The following RAB6B variants were observed in gnomAD, a reference collection of about 807,000 sequenced individuals.
The protein encoded by RAB6B is ras-related protein Rab-6B.
A neutral mutation model predicts 31.2 loss-of-function variants in RAB6B; 7 were observed. That is an observed-to-expected ratio of 0.22 (90% CI 0.13 to 0.42). The LOEUF (loss-of-function observed/expected upper bound fraction) is 0.42. Among genes scored for constraint, RAB6B ranks in the 10% least tolerant of loss-of-function variants. The pLI is 1.00. For synonymous variants in RAB6B, 105 were observed against 104.9 expected, an observed-to-expected ratio of 1.00 and a Z score of -0.01; for missense variants, 149 against 280.6, an observed-to-expected ratio of 0.53 and a Z score of 3.35.
At position 133,828,540 on chromosome 3, in the gene RAB6B, G is replaced by T; in HGVS notation, c.*248C>A. On this transcript the variant is annotated 3_prime_UTR_variant, in exon 8 of 8. Transcript: ENST00000285208. ...TTTTTTTAAATTTTAACAGTTTTTG[G>T]CAATCTTAATAAAGTACAATATATT... 2.1e-6 allele frequency: 1 copy of T among 482,692 alleles called. No homozygotes were observed. The highest frequency in any genetic ancestry group is 3.6e-6 in the Non-Finnish European group (1 of 275,932). 29.9% of individuals were successfully genotyped at this position (482,692 alleles called of 1,614,324 possible).
At position 133,825,700 on chromosome 3, in the gene RAB6B, A is replaced by T. The variant is rs1312192965; in HGVS notation, c.*3088T>A. On this transcript the variant is annotated 3_prime_UTR_variant, in exon 8 of 8. Transcript: ENST00000285208. The stretch of plus-strand genomic sequence containing the variant: ...TTCCATCTTACACTCAACTTTCCTG[A>T]TGCCTGCAGAACAGGAGCTTTGTTG... 6.6e-6 allele frequency: 1 copy of T among 152,174 alleles called. No homozygotes were observed. Among genetic ancestry groups the T allele is most frequent in the African/African-American group, 2.4e-5 (1 of 41,428 alleles). 9.4% of individuals were successfully genotyped at this position (152,174 alleles called of 1,614,324 possible). A position where few individuals can be genotyped will look rare whatever the true frequency, so the allele number is the denominator to read the frequency against.
intron 1 of RAB6B, among the ~76,000 whole-genome samples, chr3:133,877,327 GAGACTGGGGAA>G (rs1936410742): frequency 6.6e-6 from 1 of 152,250 alleles, no homozygotes; most frequent in Admixed American, 6.5e-5. Context: ...GAAACTACTT[GAGACTGGGGAA>G]AGACTGCCCA....
Position 133,827,610 on chromosome 3 carries a change from A to G in RAB6B, c.*1178T>C. 2.3e-6 allele frequency: 1 copy of G among 440,178 alleles called. No individual in the cohort carries two copies. The highest frequency in any genetic ancestry group is 4.1e-6 in the Non-Finnish European group (1 of 244,208). The allele number at this position is 440,178 out of a possible 1,614,324, so 27.3% of individuals were successfully genotyped here. On this transcript the variant is annotated 3_prime_UTR_variant, in exon 8 of 8. Coordinates refer to ENST00000285208, the MANE Select transcript of RAB6B (RefSeq NM_016577.4). The stretch of plus-strand genomic sequence containing the variant: ...CCACAGTAGCCACAAAGATATGTCC[A>G]CAAAGACTTCAACTGCGCCATGCCA...
Position 133,828,052 on chromosome 3 carries a change from A to G in RAB6B, c.*736T>C. The G allele has an allele frequency of 1.4e-6, 1 of 697,266 alleles. No individual in the cohort carries two copies. Among genetic ancestry groups the G allele is most frequent in the Non-Finnish European group, 2.6e-6 (1 of 381,468 alleles). The allele number at this position is 697,266 out of a possible 1,614,324, so 43.2% of individuals were successfully genotyped here. A position where few individuals can be genotyped will look rare whatever the true frequency, so the allele number is the denominator to read the frequency against. The stretch of plus-strand genomic sequence containing the variant: ...GCACAGAGAACACAAGGTTGCCTGT[A>G]CCCTCAACCCCCTTCAAGGCTTTTC... On this transcript the variant is annotated 3_prime_UTR_variant, in exon 8 of 8. Transcript: ENST00000285208.
chr3:133,888,347 T>C (rs1271879720), intron 1 of RAB6B, among the ~76,000 whole-genome samples: 1 of 152,226 alleles, frequency 6.6e-6, no homozygotes, highest in Non-Finnish European at 1.5e-5. Flanking sequence ...GCCTCCGGCA[T>C]AGTGGATGTT....
At chr3:133,840,443 G>A (rs1360319630) in intron 4 of RAB6B, among the ~76,000 whole-genome samples, 4 of 152,212 alleles carry the variant, frequency 2.6e-5, no homozygotes, top group East Asian at 1.9e-4. Flanking sequence ...AGGCCCTTGC[G>A]GGCCCAGCTC....
chr3:133,834,977 C>A (rs1408179747), intron 6 of RAB6B, among the ~76,000 whole-genome samples: 1 of 152,210 alleles, frequency 6.6e-6, no homozygotes, highest in African/African-American at 2.4e-5. Context: ...ATGGTTTGGG[C>A]CTCTGGGTGA....
chr3:133,855,193 T>G (rs996833030), intron 2 of RAB6B, among the ~76,000 whole-genome samples: 2 of 152,252 alleles, frequency 1.3e-5, no homozygotes, highest in Non-Finnish European at 2.9e-5. Flanking sequence ...TGCTGAAACT[T>G]CAGGTTCCAG....
chr3:133,893,874 A>G (rs1396825465), intron 1 of RAB6B, among the ~76,000 whole-genome samples: 1 of 152,168 alleles, frequency 6.6e-6, no homozygotes, highest in East Asian at 1.9e-4. Flanking sequence ...GGTCAGCTCT[A>G]TGAAACTGGG....
At position 133,828,806 on chromosome 3, in the gene RAB6B, C is replaced by G. The variant is rs1935613272; in HGVS notation, c.609G>C (p.Glu203Asp). 3 of 1,613,084 alleles carry G rather than the reference C, an allele frequency of 1.9e-6. No homozygotes were observed. The highest frequency in any genetic ancestry group is 2.5e-6 in the Non-Finnish European group (3 of 1,179,462). Residue 203 changes from glutamate (E) to aspartate (D), a missense_variant, in exon 8 of 8, where the codon GAG (glutamate) becomes GAC (aspartate). This residue lies in a region of RAB6B where 74 missense variants were observed against 100.5 expected (regional missense o/e 0.74). Coordinates refer to ENST00000285208, the MANE Select transcript of RAB6B (RefSeq NM_016577.4). The stretch of plus-strand genomic sequence containing the variant: ...CTCTGCATTAGCAGGAGCAGCCGCC[C>G]TCGCTGGCCGGGGGCTCCTGGGGTT... The part of the protein sequence containing the change: ...LDKPQEPPAS[E>D]GGCSC
chr3:133,886,355 A>T (rs1936547181), intron 1 of RAB6B, among the ~76,000 whole-genome samples: 1 of 152,232 alleles, frequency 6.6e-6, no homozygotes, highest in Non-Finnish European at 1.5e-5. Flanking sequence ...TTGTGGGCCA[A>T]GTACTACCGA....
chr3:133,874,663 C>T (rs913259948), intron 1 of RAB6B, among the ~76,000 whole-genome samples: 2 of 152,156 alleles, frequency 1.3e-5, no homozygotes, highest in African/African-American at 2.4e-5. Flanking sequence ...CTCACTACAA[C>T]ATTTTTTACT....
In RAB6B at chr3:133,864,872, C is replaced by T. The variant is rs112353283; in HGVS notation, c.71-230G>A. Among the ~76,000 whole-genome samples, 1,488 of 152,296 alleles carry T rather than the reference C, an allele frequency of 9.8e-3. 17 individuals are homozygous for T. The highest frequency in any genetic ancestry group is 0.035 in the African/African-American group (1,447 of 41,542). Reference sequence around the variant, plus strand: ...TTCCTGCCAGGCACCAGGGTGCTGCCAAGGAGGAGGTATCCCACTGCCCCA... The same window carrying T: ...TTCCTGCCAGGCACCAGGGTGCTGCTAAGGAGGAGGTATCCCACTGCCCCA... On this transcript the variant is annotated intron_variant, in intron 1 of 7. Coordinates refer to ENST00000285208, the MANE Select transcript of RAB6B (RefSeq NM_016577.4).
chr3:133,828,131 G>A lies in RAB6B; in HGVS notation c.*657C>T. 6.4e-6 allele frequency: 4 copies of A among 620,866 alleles called. No individual in the cohort carries two copies. Among genetic ancestry groups the A allele is most frequent in the Middle Eastern group, 3.8e-4 (1 of 2,650 alleles). The allele number at this position is 620,866 out of a possible 1,614,324, so 38.5% of individuals were successfully genotyped here. A position where few individuals can be genotyped will look rare whatever the true frequency, so the allele number is the denominator to read the frequency against. ...TTCCTCTGGGGGCTGCTGCCGGGCT[G>A]CCTAGAGCCCACAGACCTTGGTCTC... On this transcript the variant is annotated 3_prime_UTR_variant, in exon 8 of 8. Coordinates refer to ENST00000285208, the MANE Select transcript of RAB6B (RefSeq NM_016577.4).
intron 2 of RAB6B, among the ~76,000 whole-genome samples, chr3:133,851,712 C>T (rs1935986961): frequency 6.6e-6 from 1 of 152,198 alleles, no homozygotes; most frequent in Non-Finnish European, 1.5e-5. Flanking sequence ...ACACTAACTA[C>T]ACTTTGCAGA....
chr3:133,869,811 A>C (rs13083987), intron 1 of RAB6B, among the ~76,000 whole-genome samples: 55,948 of 152,092 alleles, frequency 0.37, 11,595 homozygotes, highest in Non-Finnish European at 0.49. Context: ...CGCATGCAGC[A>C]ACCAGCAGAC....
At chr3:133,859,894 G>A (rs1472612688) in intron 2 of RAB6B, among the ~76,000 whole-genome samples, 5 of 152,158 alleles carry the variant, frequency 3.3e-5, no homozygotes, top group African/African-American at 4.8e-5. Flanking sequence ...TTAAATCAAC[G>A]TACAAAATGT....
At chr3:133,886,296 G>A (rs1212635413) in intron 1 of RAB6B, among the ~76,000 whole-genome samples, 1 of 152,218 alleles carries the variant, frequency 6.6e-6, no homozygotes, top group African/African-American at 2.4e-5. Context: ...AGCCTTGCTT[G>A]TGTATGTAAT....
intron 2 of RAB6B, among the ~76,000 whole-genome samples, chr3:133,860,334 C>G (rs1936142008): frequency 1.3e-5 from 2 of 152,090 alleles, no homozygotes; most frequent in African/African-American, 4.8e-5. Flanking sequence ...CACAGAGAGA[C>G]AGGAGGCCTG....
Sources: allele counts gnomAD v4.1 joint callset (sites outside exome capture counted in the v4.1 genomes callset), GRCh38; gene constraint gnomAD v4.1.1; regional missense constraint gnomAD v4.1.1; transcripts MANE v1.5; gene names NCBI Gene and HGNC (gene_info 2026-07-23, HGNC 2026-07-21).